The following CCDC6 variants were observed in gnomAD, a reference collection of about 807,000 sequenced individuals.
The protein encoded by CCDC6 is coiled-coil domain-containing protein 6.
CCDC6 carries 20 observed loss-of-function variants against 56.6 expected under a neutral mutation model. The ratio of observed to expected loss-of-function variants is 0.35; its 90% CI spans 0.25 to 0.51. The LOEUF is 0.51. CCDC6 is among the 20% of genes least tolerant of loss of function. The pLI, the probability that CCDC6 is intolerant of heterozygous loss-of-function variation, is 0.95. For synonymous variants in CCDC6, 241 were observed against 234.4 expected, an observed-to-expected ratio of 1.03 and a Z score of -0.26; for missense variants, 367 against 601.1, an observed-to-expected ratio of 0.61 and a Z score of 4.07.
At chr10:59,865,792 C>A (rs770096699) in intron 1 of CCDC6, among the ~76,000 whole-genome samples, 1 of 133,610 alleles carries the variant, frequency 7.5e-6, no homozygotes, top group Non-Finnish European at 1.5e-5. Context: ...ATAGAGGTTG[C>A]AGTGATCGAG....
chr10:59,838,891 T>C (rs941927169), intron 2 of CCDC6, among the ~76,000 whole-genome samples: 2 of 152,180 alleles, frequency 1.3e-5, no homozygotes, highest in African/African-American at 4.8e-5. Context: ...TCCCCAATGC[T>C]TTCCCACAGG....
intron 1 of CCDC6, among the ~76,000 whole-genome samples, chr10:59,882,829 G>A (rs1007239648): frequency 6.6e-6 from 1 of 151,978 alleles, no homozygotes. Context: ...GCGTGGTGGC[G>A]CGCACCTGTA....
intron 2 of CCDC6, among the ~76,000 whole-genome samples, chr10:59,851,131 G>GAAAAAAAAAAAAAAAAAAAAAAAAAA: frequency 2.1e-5 from 1 of 46,724 alleles, no homozygotes; most frequent in Non-Finnish European, 3.9e-5. Flanking sequence ...CATGTAAATT[G>GAAAAAAAAAAAAAAAAAAAAAAAAAA]AAAAAAAAAA....
At chr10:59,818,506 GA>G (rs2070726713) in intron 3 of CCDC6, among the ~76,000 whole-genome samples, 2 of 130,894 alleles carry the variant, frequency 1.5e-5, no homozygotes, top group Admixed American at 7.6e-5. Context: ...GGGGGGGGGG[GA>G]AGCAGATTCT....
chr10:59,814,108 T>A (rs771401369), intron 4 of CCDC6, among the ~76,000 whole-genome samples: 5 of 152,222 alleles, frequency 3.3e-5, no homozygotes, highest in Admixed American at 6.5e-5. Flanking sequence ...CAAAGAGGTT[T>A]AAGAAATGTT....
At position 59,804,410 on chromosome 10, in the gene CCDC6, A is replaced by G. The variant is rs760975343; in HGVS notation, c.1105+10T>C. On this transcript the variant is annotated intron_variant, in intron 7 of 8. Coordinates refer to ENST00000263102, the MANE Select transcript of CCDC6 (RefSeq NM_005436.5). ...ATCAGTCACTGAAATAGCCAAAGAC[A>G]TATGCTCACCAGGTGATATAGGCCT... 2.6e-6 allele frequency: 4 copies of G among 1,550,602 alleles called. No individual in the cohort carries two copies. The highest frequency in any genetic ancestry group is 1.7e-4 in the Middle Eastern group (1 of 5,974).
chr10:59,834,815 A>G (rs1050509462), intron 2 of CCDC6, among the ~76,000 whole-genome samples: 2 of 152,170 alleles, frequency 1.3e-5, no homozygotes, highest in African/African-American at 4.8e-5. Flanking sequence ...AAGAACTAAG[A>G]CGAATGAATA....
At chr10:59,822,459 G>A (rs1203914612) in intron 3 of CCDC6, among the ~76,000 whole-genome samples, 1 of 152,130 alleles carries the variant, frequency 6.6e-6, no homozygotes, top group Non-Finnish European at 1.5e-5. Context: ...TTGCCGTTTA[G>A]GGAAAGCAAG....
chr10:59,855,530 C>T (rs865823353), intron 1 of CCDC6, among the ~76,000 whole-genome samples: 1 of 152,214 alleles, frequency 6.6e-6, no homozygotes, highest in African/African-American at 2.4e-5. Context: ...CGTGCCACTG[C>T]ACTCCAGGCT....
intron 1 of CCDC6, among the ~76,000 whole-genome samples, chr10:59,867,047 CCATA>C (rs1313510784): frequency 3.9e-5 from 6 of 152,182 alleles, no homozygotes; most frequent in African/African-American, 1.4e-4. Context: ...GGCATACACG[CCATA>C]CATAGTGTTC....
intron 2 of CCDC6, among the ~76,000 whole-genome samples, chr10:59,840,162 A>G (rs1481997364): frequency 6.6e-6 from 1 of 152,196 alleles, no homozygotes; most frequent in Non-Finnish European, 1.5e-5. Flanking sequence ...CACAAAGAAC[A>G]TTCTTCTACA....
rs397940135 is a variant in CCDC6 at position 59,837,746 on chromosome 10, C to CAAAAAAAAAAAAAAA, written c.454-5108_454-5094dup. On this transcript the variant is annotated intron_variant, in intron 2 of 8. Transcript: ENST00000263102. ...GGGCAACAAGAGTGAGACTCTGTCT[C>CAAAAAAAAAAAAAAA]AAAAAAAAAAAAAAAAAAAAAAAAG... Among the ~76,000 whole-genome samples the CAAAAAAAAAAAAAAA allele has an allele frequency of 8.0e-5, 4 of 49,742 alleles. 1 individual carries two copies. The highest frequency in any genetic ancestry group is 1.9e-4 in the African/African-American group (3 of 15,706). The allele number at this position is 49,742 out of a possible 152,430, so 32.6% of individuals were successfully genotyped here. A position where few individuals can be genotyped will look rare whatever the true frequency, so the allele number is the denominator to read the frequency against.
At chr10:59,817,221 C>T (rs2070716446) in intron 3 of CCDC6, among the ~76,000 whole-genome samples, 1 of 152,344 alleles carries the variant, frequency 6.6e-6, no homozygotes, top group South Asian at 2.1e-4. Flanking sequence ...CGCTCTGTTG[C>T]CCAGGCTGGA....
chr10:59,797,647 G>A (rs902382446), intron 7 of CCDC6, among the ~76,000 whole-genome samples: 14 of 133,520 alleles, frequency 1.0e-4, no homozygotes, highest in African/African-American at 4.2e-4. Context: ...GGAGAGTGTG[G>A]GCATGAGTGA....
intron 1 of CCDC6, among the ~76,000 whole-genome samples, chr10:59,905,872 T>A (rs977231084): frequency 6.6e-6 from 1 of 152,138 alleles, no homozygotes; most frequent in Admixed American, 6.5e-5. Context: ...AAAGGGACCA[T>A]GAATGGTTGC....
At chr10:59,869,416 A>AAAC (rs2071207598) in intron 1 of CCDC6, among the ~76,000 whole-genome samples, 1 of 69,482 alleles carries the variant, frequency 1.4e-5, no homozygotes, top group Non-Finnish European at 2.7e-5. Flanking sequence ...AAAAAAAAAA[A>AAAC]AAACAGAAAA....
intron 1 of CCDC6, among the ~76,000 whole-genome samples, chr10:59,858,126 TGCA>T (rs2071095148): frequency 6.6e-6 from 1 of 152,214 alleles, no homozygotes; most frequent in Non-Finnish European, 1.5e-5. Flanking sequence ...TAAGTGCCGG[TGCA>T]GCAGGGGTAG....
In CCDC6 at chr10:59,821,856, G is replaced by A. The variant is rs573069475; in HGVS notation, c.583-7101C>T. Among the ~76,000 whole-genome samples the A allele has an allele frequency of 1.4e-4, 21 of 152,152 alleles. 1 individual carries two copies. The highest frequency in any genetic ancestry group is 2.2e-4 in the Non-Finnish European group (15 of 68,002). The stretch of plus-strand genomic sequence containing the variant: ...TTGTCCCTTGGCTGAAAGTTATGCC[G>A]TTGATAATTTATCTTCCTATTTTTT... On this transcript the variant is annotated intron_variant, in intron 3 of 8. Coordinates refer to ENST00000263102, the MANE Select transcript of CCDC6 (RefSeq NM_005436.5).
chr10:59,880,937 G>A (rs1208753336), intron 1 of CCDC6, among the ~76,000 whole-genome samples: 5 of 152,290 alleles, frequency 3.3e-5, no homozygotes, highest in Non-Finnish European at 7.3e-5. Context: ...TGCAACTCAG[G>A]AAGGAACGAT....
Sources: gnomAD v4.1 joint callset for allele counts (sites outside exome capture counted in the v4.1 genomes callset) on GRCh38, gnomAD v4.1.1 for gene constraint, MANE v1.5 for transcripts, NCBI Gene and HGNC (gene_info 2026-07-23, HGNC 2026-07-21) for gene names.